The following MTRFR variants were observed in gnomAD, a reference collection of about 807,000 sequenced individuals.
The protein encoded by MTRFR is probable peptide chain release factor C12orf65, mitochondrial.
Under a neutral mutation model 11.9 loss-of-function variants are expected in MTRFR, and 10 were observed. The observed-to-expected ratio is 0.84, with a 90% CI of 0.52 to 1.42. The LOEUF (loss-of-function observed/expected upper bound fraction) is 1.42, where lower values mean the gene tolerates loss of function less well. MTRFR is among the 40% of genes most tolerant of loss of function. MTRFR has a pLI of 0.00. For synonymous variants in MTRFR, 77 were observed against 79.1 expected, an observed-to-expected ratio of 0.97 and a Z score of 0.14; for missense variants, 196 against 197.9, an observed-to-expected ratio of 0.99 and a Z score of 0.06.
chr12:123,246,709 A>ATTTT (rs1157677577), intron 1 of MTRFR, among the ~76,000 whole-genome samples: 6 of 53,516 alleles, frequency 1.1e-4, no homozygotes, highest in African/African-American at 4.7e-4. Flanking sequence ...TATAATTTCA[A>ATTTT]TTTTTTTTTT....
chr12:123,255,185 T>C (rs576892499), intron 2 of MTRFR, among the ~76,000 whole-genome samples: 18 of 152,218 alleles, frequency 1.2e-4, no homozygotes, highest in African/African-American at 3.4e-4. Context: ...ATCTGGGACA[T>C]AGAGAGGCTA....
At chr12:123,254,252 C>T in intron 2 of MTRFR, 1 of 401,508 alleles carries the variant, frequency 2.5e-6, no homozygotes, top group Non-Finnish European at 4.6e-6. Flanking sequence ...TGGCTGCTGC[C>T]CCGGAAGCAA....
At chr12:123,236,744 T>C (rs1044402404) in intron 1 of MTRFR, among the ~76,000 whole-genome samples, 1 of 152,100 alleles carries the variant, frequency 6.6e-6, no homozygotes, top group Non-Finnish European at 1.5e-5. Flanking sequence ...GTGTTTCTGT[T>C]TTAATAGTGT....
chr12:123,246,077 T>C (rs941315031), intron 1 of MTRFR, among the ~76,000 whole-genome samples: 3 of 152,152 alleles, frequency 2.0e-5, no homozygotes, highest in Non-Finnish European at 4.4e-5. Flanking sequence ...TGTTTTGTTG[T>C]GAGACAGTCT....
intron 1 of MTRFR, among the ~76,000 whole-genome samples, chr12:123,239,691 C>T (rs1352496898): frequency 2.6e-5 from 4 of 152,172 alleles, no homozygotes; most frequent in Non-Finnish European, 4.4e-5. Flanking sequence ...CGTGAGCTAC[C>T]GCGCCCAGCC....
chr12:123,253,950 T>C lies in MTRFR; in HGVS notation c.276T>C (p.Val92=), dbSNP rs907535491. 1.2e-6 allele frequency: 2 copies of C among 1,613,992 alleles called. No homozygotes were observed. The highest frequency in any genetic ancestry group is 2.7e-5 in the African/African-American group (2 of 74,910). Residue 92 remains valine (V), a synonymous_variant, in exon 2 of 3, where the codon GTT becomes GTC. Transcript: ENST00000253233. Reference sequence around the variant, plus strand: ...TGAAGCACATCCCCTCAGGCATCGTTGTAAAGGTAGATCACAGAAGGCCGC... The same window carrying C: ...TGAAGCACATCCCCTCAGGCATCGTCGTAAAGGTAGATCACAGAAGGCCGC... ...VVLKHIPSGI[V]VKCHQTRSVD...
Position 123,256,977 on chromosome 12 carries a change from G to A in MTRFR, c.447G>A (p.Leu149=), listed in dbSNP as rs1433105628. Residue 149 remains leucine, a synonymous_variant, in exon 3 of 3, where the codon CTG becomes CTA. Coordinates refer to ENST00000253233, the MANE Select transcript of MTRFR (RefSeq NM_152269.5). ...GGAAAAAAAGAGCAAAGGAAACCCT[G>A]GAAAAAAAGAAGCTACTTAAAGAAC... ...QERKKRAKET[L]EKKKLLKELW... is the part of the protein sequence containing the mutation. The A allele has an allele frequency of 3.7e-6, 6 of 1,611,684 alleles. No individual in the cohort carries two copies. Among genetic ancestry groups the A allele is most frequent in the Non-Finnish European group, 3.4e-6 (4 of 1,179,530 alleles).
chr12:123,253,997 A>C (rs201868987), intron 2 of MTRFR, 41 bp downstream of exon 2: 1 of 1,608,208 alleles, frequency 6.2e-7, no homozygotes, highest in Non-Finnish European at 8.5e-7. Context: ...GCCCCGCCCA[A>C]GGGTTCCACA....
At chr12:123,233,069 G>C (rs1289929377), upstream of MTRFR, 1 of 152,258 alleles carries the variant, frequency 6.6e-6, no homozygotes, top group Non-Finnish European at 1.5e-5. Context: ...GCTGGTGGCC[G>C]CTTACCTGGC....
At chr12:123,233,428 A>G (rs1025491766), upstream of MTRFR, 1 of 152,268 alleles carries the variant, frequency 6.6e-6, no homozygotes, top group Non-Finnish European at 1.5e-5. Flanking sequence ...CCGCGATCGG[A>G]GTACGGCGCG....
intron 1 of MTRFR, among the ~76,000 whole-genome samples, chr12:123,237,232 G>A (rs971425541): frequency 1.3e-5 from 2 of 152,148 alleles, no homozygotes; most frequent in East Asian, 1.9e-4. Flanking sequence ...CAAGGCAGGC[G>A]CATCACCTGA....
intron 1 of MTRFR, among the ~76,000 whole-genome samples, chr12:123,251,779 A>G (rs1433861053): frequency 6.6e-6 from 1 of 152,050 alleles, no homozygotes; most frequent in Non-Finnish European, 1.5e-5. Flanking sequence ...GTTGATCTAG[A>G]GCTAAAATTC....
intron 2 of MTRFR, among the ~76,000 whole-genome samples, chr12:123,255,930 A>G (rs1218992718): frequency 6.6e-6 from 1 of 152,108 alleles, no homozygotes; most frequent in Non-Finnish European, 1.5e-5. Flanking sequence ...CCGGCCATCC[A>G]ATCTTTACAT....
intron 2 of MTRFR, chr12:123,254,312 C>T (rs1200501393): frequency 3.8e-6 from 1 of 265,056 alleles, no homozygotes; most frequent in Middle Eastern, 1.3e-3. Flanking sequence ...GCCCGGGCAG[C>T]ATGGTTCTTT....
intron 1 of MTRFR, among the ~76,000 whole-genome samples, chr12:123,236,859 G>A (rs1333395420): frequency 6.6e-6 from 1 of 152,048 alleles, no homozygotes; most frequent in Non-Finnish European, 1.5e-5. Context: ...CGAGGCGGGC[G>A]GATCGCCTGA....
chr12:123,237,041 C>A (rs1395994214), intron 1 of MTRFR, among the ~76,000 whole-genome samples: 1 of 151,712 alleles, frequency 6.6e-6, no homozygotes, highest in African/African-American at 2.4e-5. Flanking sequence ...GCTGAGATTG[C>A]GCCACTGCAG....
rs535331758 is a variant in MTRFR, at chr12:123,236,887, C to G, written c.-29+3356C>G. Among the ~76,000 whole-genome samples, 4 of 151,842 alleles carry G rather than the reference C, an allele frequency of 2.6e-5. No homozygotes were observed. In the South Asian group the frequency reaches 8.3e-4, roughly 32 times the overall value. On this transcript the variant is annotated intron_variant, in intron 1 of 2. Coordinates refer to ENST00000253233, the MANE Select transcript of MTRFR (RefSeq NM_152269.5). ...TCGCCTGAGGTCAGGAGTTCAACAC[C>G]AGCCTGAGAAACACGGTGAATCCCC...
At chr12:123,253,538 A>T (rs1022136604) in intron 1 of MTRFR, 109 bp from the exon 2 acceptor site, 2 of 1,067,450 alleles carry the variant, frequency 1.9e-6, no homozygotes, top group African/African-American at 3.1e-5. Flanking sequence ...CCTCGGTAAC[A>T]GATGGGTCAT....
chr12:123,236,688 A>G (rs1160027809), intron 1 of MTRFR, among the ~76,000 whole-genome samples: 2 of 152,030 alleles, frequency 1.3e-5, no homozygotes, highest in African/African-American at 4.8e-5. Context: ...AGGCTTTGAG[A>G]CTTTTGGAAG....
Sources: gnomAD v4.1 joint callset for allele counts (sites outside exome capture counted in the v4.1 genomes callset) on GRCh38, gnomAD v4.1.1 for gene constraint, MANE v1.5 for transcripts, NCBI Gene and HGNC (gene_info 2026-07-23, HGNC 2026-07-21) for gene names.